The following ORC4 variants were observed in gnomAD, a reference collection of about 807,000 sequenced individuals.
ORC4 encodes origin recognition complex subunit 4.
Under a neutral mutation model 63.9 loss-of-function variants are expected in ORC4, and 55 were observed. The observed-to-expected ratio is 0.86, with a 90% CI of 0.69 to 1.08. The LOEUF (loss-of-function observed/expected upper bound fraction) is 1.08. Among genes scored for constraint, ORC4 ranks in the 50% least tolerant of loss-of-function variants. ORC4 has a pLI of 0.00. For synonymous variants in ORC4, 150 were observed against 168.5 expected (o/e 0.89, Z 0.85); for missense variants, 511 against 504.4 (o/e 1.01, Z -0.13).
chr2:147,957,385 C>T (rs182898638), intron 6 of ORC4, among the ~76,000 whole-genome samples: 3 of 151,778 alleles, frequency 2.0e-5, no homozygotes, highest in African/African-American at 4.8e-5. Context: ...GAAATTAGAG[C>T]GATGCCACCG....
Position 147,931,772 on chromosome 2 carries a change from ACT to A in ORC4, c.*3736_*3737del, listed in dbSNP as rs1220690998. On this transcript the variant is annotated 3_prime_UTR_variant, in exon 14 of 14. Coordinates refer to ENST00000392857, the MANE Select transcript of ORC4 (RefSeq NM_181741.4). ...AATTCAACAACCCTTCATGCTAAAA[ACT>A]CTCAATAAATTAGGGATTGATGGGG... 3 of 151,814 alleles carry A rather than the reference ACT, an allele frequency of 2.0e-5. No individual in the cohort carries two copies. The highest frequency in any genetic ancestry group is 2.9e-5 in the Non-Finnish European group (2 of 68,008). The allele number at this position is 151,814 out of a possible 1,614,324, so 9.4% of individuals were successfully genotyped here.
chr2:147,985,780 A>C (rs774695675), intron 1 of ORC4, among the ~76,000 whole-genome samples: 1 of 152,134 alleles, frequency 6.6e-6, no homozygotes, highest in Non-Finnish European at 1.5e-5. Context: ...AGTTTGGTCA[A>C]TTTACCAAAT....
At chr2:147,940,811 T>G (rs1252846326) in intron 10 of ORC4, among the ~76,000 whole-genome samples, 2 of 152,094 alleles carry the variant, frequency 1.3e-5, no homozygotes, top group East Asian at 3.9e-4. Flanking sequence ...GGAGCTAAGC[T>G]ATGAGGACAC....
intron 9 of ORC4, among the ~76,000 whole-genome samples, chr2:147,947,469 C>T (rs1558834439): frequency 6.6e-6 from 1 of 152,000 alleles, no homozygotes; most frequent in Admixed American, 6.6e-5. Flanking sequence ...TTTATAGTCT[C>T]AAAGGTGTGG....
At chr2:147,955,530 G>A (rs1258570246) in intron 6 of ORC4, 135 bp from the exon 7 acceptor site, 1 of 659,092 alleles carries the variant, frequency 1.5e-6, no homozygotes, top group Non-Finnish European at 2.7e-6. Context: ...ACTCTGCTGA[G>A]TGTCTCTATA....
At chr2:148,012,011 G>A in intron 1 of ORC4, among the ~76,000 whole-genome samples, 1 of 151,914 alleles carries the variant, frequency 6.6e-6, no homozygotes, top group East Asian at 1.9e-4. Flanking sequence ...TTGTTAAAAT[G>A]ACAATACTTC....
chr2:148,009,102 A>C (rs549659742), intron 1 of ORC4, among the ~76,000 whole-genome samples: 84 of 152,270 alleles, frequency 5.5e-4, no homozygotes, highest in African/African-American at 1.9e-3. Context: ...AGTTGCAAAT[A>C]ATTGGCTATA....
At chr2:147,939,086 T>C (rs1489114526) in intron 11 of ORC4, 54 bp downstream of exon 11, 3 of 1,036,878 alleles carry the variant, frequency 2.9e-6, no homozygotes, top group African/African-American at 3.1e-5. Context: ...CATTCCATTA[T>C]CTAAATTCAA....
intron 13 of ORC4, 106 bp downstream of exon 13, chr2:147,938,040 T>C: frequency 1.3e-6 from 1 of 788,414 alleles, no homozygotes; most frequent in Non-Finnish European, 2.1e-6. Flanking sequence ...AAAAAATCTC[T>C]ATAATACTTA....
At chr2:148,017,074 A>C (rs1367300380) in intron 1 of ORC4, among the ~76,000 whole-genome samples, 3 of 152,220 alleles carry the variant, frequency 2.0e-5, no homozygotes, top group Non-Finnish European at 4.4e-5. Flanking sequence ...AAAAGATTCC[A>C]AAAGAAAAGT....
chr2:147,974,245 T>C (rs1690389022), intron 2 of ORC4, among the ~76,000 whole-genome samples: 1 of 152,146 alleles, frequency 6.6e-6, no homozygotes, highest in Non-Finnish European at 1.5e-5. Flanking sequence ...AAGAGTCTAT[T>C]ATATGAATTT....
intron 8 of ORC4, 57 bp downstream of exon 8, chr2:147,952,316 T>C (rs1688998452): frequency 5.3e-6 from 7 of 1,326,648 alleles, no homozygotes; most frequent in Non-Finnish European, 7.4e-6. Flanking sequence ...GTGTCAGCAA[T>C]TAAGCTTGAA....
intron 1 of ORC4, among the ~76,000 whole-genome samples, chr2:148,005,937 G>A (rs1270271959): frequency 1.3e-5 from 2 of 152,066 alleles, no homozygotes; most frequent in Non-Finnish European, 2.9e-5. Flanking sequence ...TTGAGATCAC[G>A]CCATGCACTC....
intron 1 of ORC4, among the ~76,000 whole-genome samples, chr2:148,010,875 A>T: frequency 8.0e-6 from 1 of 125,462 alleles, no homozygotes; most frequent in African/African-American, 3.1e-5. Flanking sequence ...TTTTTTTGAG[A>T]CAGAGTCTCA....
At chr2:147,975,773 T>G in intron 2 of ORC4, 129 bp downstream of exon 2, 1 of 708,482 alleles carries the variant, frequency 1.4e-6, no homozygotes, top group East Asian at 2.6e-5. Context: ...CGTACTGATA[T>G]CTCCCTAAGG....
At chr2:148,012,095 A>G (rs771672509) in intron 1 of ORC4, among the ~76,000 whole-genome samples, 21 of 152,132 alleles carry the variant, frequency 1.4e-4, no homozygotes, top group Admixed American at 5.9e-4. Flanking sequence ...GAAAAAAAAA[A>G]TCCTAAAATT....
intron 1 of ORC4, among the ~76,000 whole-genome samples, chr2:148,001,072 G>A (rs1172466863): frequency 6.6e-6 from 1 of 152,062 alleles, no homozygotes; most frequent in African/African-American, 2.4e-5. Flanking sequence ...GGTAGTGACA[G>A]CTACCTTGTC....
chr2:148,013,796 A>G (rs746618491), intron 1 of ORC4, among the ~76,000 whole-genome samples: 8 of 152,222 alleles, frequency 5.3e-5, no homozygotes, highest in Non-Finnish European at 1.2e-4. Context: ...TCTCAGAAGT[A>G]AAAAAGAAAG....
At chr2:147,935,834 TA>T (rs2105248126) in intron 13 of ORC4, 136 bp from the exon 14 acceptor site, 2 of 686,802 alleles carry the variant, frequency 2.9e-6, no homozygotes, top group African/African-American at 3.6e-5. Flanking sequence ...CAACAATCAA[TA>T]GGATTAAAAA....
Sources: gnomAD v4.1 joint callset for allele counts (sites outside exome capture counted in the v4.1 genomes callset) on GRCh38, gnomAD v4.1.1 for gene constraint, MANE v1.5 for transcripts, NCBI Gene and HGNC (gene_info 2026-07-23, HGNC 2026-07-21) for gene names.